CALCRL: variants seen among roughly 807,000 people sequenced by gnomAD.
CALCRL encodes the protein calcitonin receptor like receptor.
A neutral mutation model predicts 60.4 loss-of-function variants in CALCRL; 27 were observed. The observed-to-expected ratio is 0.45, with a 90% CI of 0.33 to 0.62. The LOEUF is 0.62. Among genes scored for constraint, CALCRL ranks in the 20% least tolerant of loss-of-function variants. The pLI is 0.03. For missense variants in CALCRL, 424 were observed against 540.7 expected, an observed-to-expected ratio of 0.78 and a Z score of 2.14; for synonymous variants, 190 against 182.6, an observed-to-expected ratio of 1.04 and a Z score of -0.33.
In CALCRL at chr2:187,344,028, A is replaced by T. The variant is rs144133982; in HGVS notation, c.*2156T>A. 11 of 151,718 alleles carry T rather than the reference A, an allele frequency of 7.3e-5. No individual in the cohort carries two copies. The highest frequency in any genetic ancestry group is 1.2e-4 in the African/African-American group (5 of 41,520). 9.4% of individuals were successfully genotyped at this position (151,718 alleles called of 1,614,324 possible). The stretch of plus-strand genomic sequence containing the variant: ...TTCAACATTTTTTACTGTCACTTCT[A>T]CTGTCAAGATGGTTGAGAGTTGACA... On this transcript the variant is annotated 3_prime_UTR_variant, in exon 15 of 15. Coordinates refer to ENST00000392370, the MANE Select transcript of CALCRL (RefSeq NM_005795.6).
intron 14 of CALCRL, among the ~76,000 whole-genome samples, chr2:187,350,895 C>T (rs192864402): frequency 6.5e-4 from 99 of 151,844 alleles, no homozygotes; most frequent in Middle Eastern, 6.8e-3. Context: ...TTGCCAAAAT[C>T]CTCCTACAGG....
intron 1 of CALCRL, among the ~76,000 whole-genome samples, chr2:187,423,989 G>T (rs532574112): frequency 6.6e-6 from 1 of 152,168 alleles, no homozygotes; most frequent in Non-Finnish European, 1.5e-5. Context: ...CAATGAGGTA[G>T]TTCTTCACAA....
At chr2:187,386,808 T>C (rs75329318) in intron 3 of CALCRL, among the ~76,000 whole-genome samples, 2 of 152,184 alleles carry the variant, frequency 1.3e-5, no homozygotes, top group Admixed American at 1.3e-4. Flanking sequence ...AAATGAATCA[T>C]GGAGGTGGGT....
chr2:187,380,051 A>G (rs1334066681), intron 7 of CALCRL, among the ~76,000 whole-genome samples: 1 of 152,230 alleles, frequency 6.6e-6, no homozygotes, highest in Non-Finnish European at 1.5e-5. Context: ...AGACCCAGTC[A>G]GAATGAGATC....
In CALCRL at chr2:187,354,286, A is replaced by T. The variant is rs142332235; in HGVS notation, c.910-1954T>A. Among the ~76,000 whole-genome samples the T allele has an allele frequency of 7.1e-3, 1,074 of 152,058 alleles. 7 individuals carry two copies. Among genetic ancestry groups the T allele is most frequent in the African/African-American group, 7.4e-3 (306 of 41,524 alleles). On this transcript the variant is annotated intron_variant, in intron 12 of 14. Transcript: ENST00000392370. Reference sequence around the variant, plus strand: ...TCATGACAGGAACTGGGGTAAATCTATACAGTGGCTGTAGGACAGTTTCTG... The same window carrying T: ...TCATGACAGGAACTGGGGTAAATCTTTACAGTGGCTGTAGGACAGTTTCTG...
rs972929679 is a variant in CALCRL at position 187,439,984 on chromosome 2, A to G, written c.-293+8055T>C. On this transcript the variant is annotated intron_variant, in intron 1 of 14. Coordinates refer to ENST00000392370, the MANE Select transcript of CALCRL (RefSeq NM_005795.6). The stretch of plus-strand genomic sequence containing the variant: ...TCAGATGATAATGTGATGCTTATGT[A>G]ATGTAGAGAAAAAGACAAATAATAA... Among the ~76,000 whole-genome samples the G allele has an allele frequency of 3.1e-4, 47 of 152,108 alleles. 1 individual carries two copies. Among genetic ancestry groups the G allele is most frequent in the African/African-American group, 1.1e-3 (45 of 41,440 alleles).
intron 1 of CALCRL, among the ~76,000 whole-genome samples, chr2:187,406,533 AAG>A (rs1178644681): frequency 5.0e-4 from 76 of 152,164 alleles, no homozygotes; most frequent in African/African-American, 1.8e-3. Flanking sequence ...AAGAAAATAA[AAG>A]AAAAGGAAGC....
chr2:187,363,231 T>C, intron 9 of CALCRL, 145 bp downstream of exon 9: 2 of 696,976 alleles, frequency 2.9e-6, no homozygotes, highest in Non-Finnish European at 4.2e-6. Context: ...TTCCCCAAGA[T>C]ATAAAGACTT....
chr2:187,424,337 TGA>T (rs1690027294), intron 1 of CALCRL, among the ~76,000 whole-genome samples: 1 of 152,030 alleles, frequency 6.6e-6, no homozygotes, highest in Non-Finnish European at 1.5e-5. Flanking sequence ...TACAGCAATG[TGA>T]GAGAGCGAGT....
intron 8 of CALCRL, among the ~76,000 whole-genome samples, chr2:187,373,643 A>G (rs368508260): frequency 4.1e-4 from 63 of 152,328 alleles, no homozygotes; most frequent in African/African-American, 1.3e-3. Context: ...GAACAATGCC[A>G]ATCATAGATA....
intron 8 of CALCRL, among the ~76,000 whole-genome samples, chr2:187,366,053 C>T (rs1395805918): frequency 6.6e-6 from 1 of 150,952 alleles, no homozygotes; most frequent in South Asian, 2.1e-4. Context: ...ACCATCCTGG[C>T]TAACAAGGTG....
rs1273852056 is a variant in CALCRL, at chr2:187,380,743, C to A, written c.229G>T (p.Asp77Tyr). The change falls in exon 6 of 15, where the codon GAT (aspartate) becomes TAT (tyrosine). Residue 77 changes from aspartate (D) to tyrosine (Y), a missense_variant. Physicochemically the swap from Asp to Tyr is radical, Grantham distance 160 (BLOSUM62 -3). This residue lies in a region of CALCRL where 108 missense variants were observed against 132.9 expected (regional missense o/e 0.81). Coordinates refer to ENST00000392370, the MANE Select transcript of CALCRL (RefSeq NM_005795.6). ...ATTGATTCAGTTCCTGCTGCAACAT[C>A]GTTCCAGCAGAGCCATCCATCCCAG... ...RTWDGWLCWN[D>Y]VAAGTESMQL... 13 of 1,613,888 alleles carry A rather than the reference C, an allele frequency of 8.1e-6. No homozygotes were observed. Among genetic ancestry groups the A allele is most frequent in the Non-Finnish European group, 1.1e-5 (13 of 1,179,952 alleles).
At chr2:187,425,529 T>G (rs1408942196) in intron 1 of CALCRL, among the ~76,000 whole-genome samples, 4 of 151,962 alleles carry the variant, frequency 2.6e-5, no homozygotes, top group African/African-American at 9.7e-5. Flanking sequence ...TAGATCCAAT[T>G]TTTCCTTCTG....
At chr2:187,435,092 T>C (rs1690573776) in intron 1 of CALCRL, among the ~76,000 whole-genome samples, 1 of 152,178 alleles carries the variant, frequency 6.6e-6, no homozygotes, top group African/African-American at 2.4e-5. Flanking sequence ...AGTATATGTG[T>C]ATGTGTTAAT....
intron 1 of CALCRL, 131 bp from the exon 2 acceptor site, chr2:187,387,887 A>G (rs1395355167): frequency 5.6e-6 from 2 of 359,408 alleles, no homozygotes; most frequent in Non-Finnish European, 9.9e-6. Flanking sequence ...CAACTTTGAA[A>G]AGCCTCTTTT....
intron 9 of CALCRL, among the ~76,000 whole-genome samples, chr2:187,362,964 T>C (rs1238953992): frequency 6.6e-6 from 1 of 152,168 alleles, no homozygotes; most frequent in Non-Finnish European, 1.5e-5. Context: ...TACGCAGAGT[T>C]CATTGCTTTG....
chr2:187,379,877 T>C (rs1687915957), intron 7 of CALCRL, among the ~76,000 whole-genome samples: 1 of 152,194 alleles, frequency 6.6e-6, no homozygotes, highest in African/African-American at 2.4e-5. Flanking sequence ...AATCAGGTTT[T>C]AGGACTCACA....
chr2:187,399,467 G>T (rs978041778), intron 1 of CALCRL, among the ~76,000 whole-genome samples: 4 of 151,314 alleles, frequency 2.6e-5, no homozygotes, highest in African/African-American at 9.7e-5. Context: ...ATAGGACATT[G>T]AAAGCAAAAG....
At chr2:187,347,126 C>T (rs1441134393) in intron 14 of CALCRL, among the ~76,000 whole-genome samples, 1 of 151,694 alleles carries the variant, frequency 6.6e-6, no homozygotes, top group Non-Finnish European at 1.5e-5. Context: ...AGCTAGAGAT[C>T]AGGGGTAGGT....
Sources: allele counts gnomAD v4.1 joint callset (sites outside exome capture counted in the v4.1 genomes callset), GRCh38; gene constraint gnomAD v4.1.1; regional missense constraint gnomAD v4.1.1; transcripts MANE v1.5; gene names NCBI Gene and HGNC (gene_info 2026-07-23, HGNC 2026-07-21).